The following PCDHGA8 variants were observed in gnomAD, a reference collection of about 807,000 sequenced individuals.
PCDHGA8 encodes the protein protocadherin gamma-A8.
A neutral mutation model predicts 59.2 loss-of-function variants in PCDHGA8; 45 were observed. The ratio of observed to expected loss-of-function variants is 0.76; its 90% CI spans 0.60 to 0.98. The LOEUF (loss-of-function observed/expected upper bound fraction) is 0.98. Among genes scored for constraint, PCDHGA8 ranks in the 50% least tolerant of loss-of-function variants. The pLI is 0.00. For synonymous variants in PCDHGA8, 531 were observed against 519.0 expected (o/e 1.02, Z -0.32); for missense variants, 1,257 against 1,196.2 (o/e 1.05, Z -0.75).
At chr5:141,419,392 C>A (rs1338481275) in intron 1 of PCDHGA8, 1 of 1,613,612 alleles carries the variant, frequency 6.2e-7, no homozygotes, top group Non-Finnish European at 8.5e-7. Flanking sequence ...GCGCGCAGAG[C>A]GGGGTGGTGT....
Position 141,431,349 on chromosome 5 carries a change from A to G in PCDHGA8, c.2424+36112A>G. 1.2e-6 allele frequency: 2 copies of G among 1,614,026 alleles called. No individual in the cohort carries two copies. The highest frequency in any genetic ancestry group is 4.5e-5 in the East Asian group (2 of 44,874). On this transcript the variant is annotated intron_variant, in intron 1 of 3. Coordinates refer to ENST00000398604, the MANE Select transcript of PCDHGA8 (RefSeq NM_032088.2). This position sits in a 1 kb window ranked among gnomAD's most constrained non-coding sequence, Gnocchi z 4.8. ...AGTAAGTACCCCGAATTGGTGCTGAAACGCGCCCTGGACCGCGAAGAAAAG... is the reference window on the plus strand; with the variant it reads ...AGTAAGTACCCCGAATTGGTGCTGAGACGCGCCCTGGACCGCGAAGAAAAG...
chr5:141,497,413 T>C (rs572922456), intron 2 of PCDHGA8, among the ~76,000 whole-genome samples: 8 of 152,046 alleles, frequency 5.3e-5, no homozygotes, highest in Admixed American at 5.2e-4. Context: ...TCCCATTCCA[T>C]CAAATGAGAG....
intron 1 of PCDHGA8, chr5:141,408,920 C>T (rs772932702): frequency 1.9e-6 from 3 of 1,613,506 alleles, no homozygotes; most frequent in Admixed American, 1.7e-5. Context: ...TGATAACCCC[C>T]CGGTTTTCAG....
chr5:141,427,467 T>TC, intron 1 of PCDHGA8: 1 of 508,052 alleles, frequency 2.0e-6, no homozygotes. Flanking sequence ...AATCGAATCT[T>TC]CCGCCAATAA....
intron 1 of PCDHGA8, chr5:141,419,997 T>C: frequency 2.5e-6 from 4 of 1,614,088 alleles, no homozygotes; most frequent in Non-Finnish European, 3.4e-6. Flanking sequence ...GCTATTGCTC[T>C]ACGCCTGCGA....
intron 2 of PCDHGA8, among the ~76,000 whole-genome samples, chr5:141,503,744 A>G (rs1310696654): frequency 2.0e-5 from 3 of 152,112 alleles, no homozygotes; most frequent in African/African-American, 4.8e-5. Context: ...GATGGTATAG[A>G]GGTCACACAT....
At chr5:141,468,154 G>A (rs1374898668) in intron 1 of PCDHGA8, among the ~76,000 whole-genome samples, 2 of 151,838 alleles carry the variant, frequency 1.3e-5, no homozygotes, top group African/African-American at 2.4e-5. Flanking sequence ...GTGAAACCCT[G>A]TCTCTGCTAA....
chr5:141,423,484 A>G, intron 1 of PCDHGA8: 1 of 1,613,722 alleles, frequency 6.2e-7, no homozygotes, highest in Non-Finnish European at 8.5e-7. Flanking sequence ...TTTCCTGCAA[A>G]CCTATTCCCA....
chr5:141,415,750 T>G lies in PCDHGA8; in HGVS notation c.2424+20513T>G, dbSNP rs758016978. 309 of 1,313,170 alleles carry G rather than the reference T, an allele frequency of 2.4e-4. No individual in the cohort carries two copies. In the East Asian group the frequency reaches 2.9e-3, roughly 12 times the overall value. 81.3% of individuals were successfully genotyped at this position (1,313,170 alleles called of 1,614,324 possible). On this transcript the variant is annotated intron_variant, in intron 1 of 3. Coordinates refer to ENST00000398604, the MANE Select transcript of PCDHGA8 (RefSeq NM_032088.2). Reference sequence around the variant, plus strand: ...TTGATGTTTATTAAGGTTTTTTTTTTTTTTTTTTTTTTTTTTTTTTTTACT... The same window carrying G: ...TTGATGTTTATTAAGGTTTTTTTTTGTTTTTTTTTTTTTTTTTTTTTTACT...
chr5:141,409,571 T>TACGTGGTCC (rs2095286242), intron 1 of PCDHGA8: 2 of 1,613,932 alleles, frequency 1.2e-6, no homozygotes, highest in East Asian at 4.5e-5. Context: ...CCAGACGTCC[T>TACGTGGTCC]ACGTGGTCCA....
At chr5:141,425,457 T>G (rs936918643) in intron 1 of PCDHGA8, among the ~76,000 whole-genome samples, 6 of 152,318 alleles carry the variant, frequency 3.9e-5, no homozygotes, top group Admixed American at 6.5e-5. Flanking sequence ...ACCATCACAT[T>G]TCATGTTATT....
intron 1 of PCDHGA8, chr5:141,415,573 G>T (rs375863243): frequency 1.9e-6 from 3 of 1,614,022 alleles, no homozygotes; most frequent in South Asian, 2.2e-5. Context: ...TTTGTTAGAT[G>T]ATTCGAAGTT....
chr5:141,419,589 C>T (rs1187251820), intron 1 of PCDHGA8: 1 of 1,611,856 alleles, frequency 6.2e-7, no homozygotes, highest in Non-Finnish European at 8.5e-7. Flanking sequence ...CTCTTCGACA[C>T]AGTGCCGCGG....
At chr5:141,410,191 C>T in intron 1 of PCDHGA8, 1 of 1,613,994 alleles carries the variant, frequency 6.2e-7, no homozygotes, top group Non-Finnish European at 8.5e-7. Context: ...TTCATCTGGT[C>T]TTCGCAGACA....
In PCDHGA8 at chr5:141,405,631, C is replaced by T. The variant is rs150331884; in HGVS notation, c.2424+10394C>T. The T allele has an allele frequency of 4.9e-3, 2,596 of 530,826 alleles. 48 individuals carry two copies. The highest frequency in any genetic ancestry group is 0.045 in the African/African-American group (2,348 of 52,012). The allele number at this position is 530,826 out of a possible 1,614,324, so 32.9% of individuals were successfully genotyped here. ...CTGGGACTACAGGCACGTGCCACCA[C>T]GCCCGGCTAATTTTTTGTGTGTTTT... is the stretch of plus-strand genomic sequence containing the variant. On this transcript the variant is annotated intron_variant, in intron 1 of 3. Transcript: ENST00000398604.
rs951502238 is a variant in PCDHGA8 at position 141,478,263 on chromosome 5, A to G, written c.2425-16544A>G. ...ACAGTGTTCGGAGTAATCATATTCA[A>G]AGTTTACAAGTGGAAGCAGTCTAGA... On this transcript the variant is annotated intron_variant, in intron 1 of 3. Coordinates refer to ENST00000398604, the MANE Select transcript of PCDHGA8 (RefSeq NM_032088.2). The G allele has an allele frequency of 2.5e-6, 4 of 1,614,046 alleles. No individual in the cohort carries two copies. The African/African-American group carries it at 5.3e-5, about 22-fold the overall frequency.
At chr5:141,458,513 G>GT (rs537551567) in intron 1 of PCDHGA8, among the ~76,000 whole-genome samples, 9,886 of 146,106 alleles carry the variant, frequency 0.068, 671 homozygotes, top group African/African-American at 0.18. Flanking sequence ...TTGACACTTT[G>GT]TTTTTTTTTT....
At chr5:141,433,031 T>G (rs2097561851) in intron 1 of PCDHGA8, 2 of 1,614,088 alleles carry the variant, frequency 1.2e-6, no homozygotes, top group Non-Finnish European at 8.5e-7. Flanking sequence ...CCACGAGGTT[T>G]CCCTCACCAC....
At chr5:141,500,914 G>T (rs1237339394) in intron 2 of PCDHGA8, among the ~76,000 whole-genome samples, 2 of 151,130 alleles carry the variant, frequency 1.3e-5, no homozygotes, top group Non-Finnish European at 2.9e-5. Flanking sequence ...CTGTCTCCAG[G>T]CTGGGGTGCA....
Sources: allele counts gnomAD v4.1 joint callset (sites outside exome capture counted in the v4.1 genomes callset), GRCh38; gene constraint gnomAD v4.1.1; non-coding constraint Gnocchi (gnomAD v3.1); transcripts MANE v1.5; gene names NCBI Gene and HGNC (gene_info 2026-07-23, HGNC 2026-07-21).